The following UTRN variants were observed in gnomAD, a reference collection of about 807,000 sequenced individuals.
The protein encoded by UTRN is dystrophin-related protein 1.
UTRN carries 283 observed loss-of-function variants against 463.9 expected under a neutral mutation model. The observed-to-expected ratio is 0.61, with a 90% confidence interval of 0.55 to 0.67. The LOEUF (loss-of-function observed/expected upper bound fraction) is 0.67. UTRN is among the 30% of genes least tolerant of loss of function. The pLI is 0.00. For missense variants in UTRN, 3,922 were observed against 4,084.3 expected (o/e 0.96, Z 1.08); for synonymous variants, 1,442 against 1,431.5 (o/e 1.01, Z -0.17).
At chr6:144,768,941 G>GTTTTTTTTT (rs1204880630) in intron 58 of UTRN, among the ~76,000 whole-genome samples, 2 of 96,916 alleles carry the variant, frequency 2.1e-5, no homozygotes, top group Non-Finnish European at 3.8e-5. Flanking sequence ...TTGCTACTTT[G>GTTTTTTTTT]TTTTTTGTTT....
At position 144,651,025 on chromosome 6, in the gene UTRN, T is replaced by C. The variant is rs190998150; in HGVS notation, c.7480-27381T>C. 6.9e-4 allele frequency among the ~76,000 whole-genome samples: 105 copies of C among 152,160 alleles called. 1 individual carries two copies. The highest frequency in any genetic ancestry group is 2.4e-3 in the African/African-American group (100 of 41,558). On this transcript the variant is annotated intron_variant, in intron 51 of 74. Transcript: ENST00000367545. ...TAACCAGTGTTAACTCATAACAAGT[T>C]TTCTTTGTGGTAAAAAATGAAGAAA...
chr6:144,686,677 T>A (rs1244715404), intron 52 of UTRN, among the ~76,000 whole-genome samples: 2 of 152,078 alleles, frequency 1.3e-5, no homozygotes, highest in Non-Finnish European at 2.9e-5. Context: ...CTGTTGTTGC[T>A]TTTAAAGTCT....
At chr6:144,543,371 G>A (rs1272151546) in intron 46 of UTRN, among the ~76,000 whole-genome samples, 1 of 152,176 alleles carries the variant, frequency 6.6e-6, no homozygotes, top group African/African-American at 2.4e-5. Context: ...CTTGGATGTG[G>A]AGAAAGAAGA....
At chr6:144,468,365 C>T (rs1198969474) in intron 23 of UTRN, among the ~76,000 whole-genome samples, 3 of 152,044 alleles carry the variant, frequency 2.0e-5, no homozygotes, top group Non-Finnish European at 4.4e-5. Context: ...AGACTTTGAC[C>T]CTTCCATACT....
intron 46 of UTRN, among the ~76,000 whole-genome samples, 195 bp from the exon 47 acceptor site, chr6:144,548,445 G>T (rs999960577): frequency 6.6e-6 from 1 of 151,990 alleles, no homozygotes; most frequent in Non-Finnish European, 1.5e-5. Context: ...CTGTTTTGTT[G>T]GCTTGATAGC....
At chr6:144,626,094 A>G (rs543360451) in intron 51 of UTRN, among the ~76,000 whole-genome samples, 2 of 152,324 alleles carry the variant, frequency 1.3e-5, no homozygotes, top group East Asian at 3.9e-4. Flanking sequence ...GAAAGCAAAT[A>G]TGGACTTGTA....
At chr6:144,538,850 C>A (rs1446497264) in intron 44 of UTRN, among the ~76,000 whole-genome samples, 2 of 152,054 alleles carry the variant, frequency 1.3e-5, no homozygotes, top group African/African-American at 4.8e-5. Flanking sequence ...ATTAAGTTTT[C>A]TTTTTAAAAT....
chr6:144,656,490 C>T (rs925485841), intron 51 of UTRN, among the ~76,000 whole-genome samples: 8 of 152,194 alleles, frequency 5.3e-5, no homozygotes, highest in African/African-American at 1.7e-4. Context: ...CGGCTCACTG[C>T]AGCTTCGACC....
chr6:144,619,572 T>C (rs905282715), intron 51 of UTRN, among the ~76,000 whole-genome samples: 1 of 152,374 alleles, frequency 6.6e-6, no homozygotes, highest in Non-Finnish European at 1.5e-5. Context: ...CAATGGTGAA[T>C]ACATTTTTTA....
At chr6:144,780,386 GAA>G (rs918262538) in intron 60 of UTRN, among the ~76,000 whole-genome samples, 2 of 151,696 alleles carry the variant, frequency 1.3e-5, no homozygotes, top group Non-Finnish European at 2.9e-5. Flanking sequence ...TAAAAAATAA[GAA>G]AAAATAAGAT....
At chr6:144,486,077 A>G (rs773113127) in intron 28 of UTRN, among the ~76,000 whole-genome samples, 1 of 152,204 alleles carries the variant, frequency 6.6e-6, no homozygotes, top group Non-Finnish European at 1.5e-5. Context: ...TGTTAACTTA[A>G]TAACCGTTTC....
chr6:144,833,790 A>G (rs1163241043), intron 69 of UTRN, among the ~76,000 whole-genome samples: 1 of 152,168 alleles, frequency 6.6e-6, no homozygotes, highest in Non-Finnish European at 1.5e-5. Context: ...GTGTTGAGAC[A>G]TTAGTCTTAC....
chr6:144,325,555 G>T (rs1775923418), intron 2 of UTRN, among the ~76,000 whole-genome samples: 2 of 152,148 alleles, frequency 1.3e-5, no homozygotes, highest in Non-Finnish European at 2.9e-5. Context: ...GCATAGAATG[G>T]ACTAAGACAG....
intron 9 of UTRN, among the ~76,000 whole-genome samples, chr6:144,430,785 T>C (rs1172501241): frequency 6.6e-6 from 1 of 152,206 alleles, no homozygotes. Context: ...TCCCATATTA[T>C]GATACTAGTC....
intron 51 of UTRN, among the ~76,000 whole-genome samples, chr6:144,644,280 C>T (rs984312803): frequency 6.6e-6 from 1 of 152,128 alleles, no homozygotes; most frequent in African/African-American, 2.4e-5. Context: ...ATGGCTGATG[C>T]TTACATGTCA....
At chr6:144,469,412 A>G (rs1790280308) in intron 23 of UTRN, among the ~76,000 whole-genome samples, 1 of 152,234 alleles carries the variant, frequency 6.6e-6, no homozygotes, top group Non-Finnish European at 1.5e-5. Context: ...TTTCAGAACA[A>G]CCAGACAAGA....
Position 144,818,112 on chromosome 6 carries a change from AT to A in UTRN, c.9358-2769del, listed in dbSNP as rs1779246023. On this transcript the variant is annotated intron_variant, in intron 65 of 74. Coordinates refer to ENST00000367545, the MANE Select transcript of UTRN (RefSeq NM_007124.3). Reference sequence around the variant, plus strand: ...TCATTTTTTTCACAAGCAAGAGTTCATGTTGGAACTCAAATATAGATAAACT... The same window carrying A: ...TCATTTTTTTCACAAGCAAGAGTTCAGTTGGAACTCAAATATAGATAAACT... Among the ~76,000 whole-genome samples, 11 of 152,332 alleles carry A rather than the reference AT, an allele frequency of 7.2e-5. No individual in the cohort carries two copies. The South Asian group carries it at 2.1e-3, about 29-fold the overall frequency.
At chr6:144,300,654 G>A (rs1192802996) in intron 2 of UTRN, among the ~76,000 whole-genome samples, 1 of 152,160 alleles carries the variant, frequency 6.6e-6, no homozygotes, top group Admixed American at 6.5e-5. Flanking sequence ...AATTTAATGA[G>A]ACCTGCTCCT....
chr6:144,369,666 C>A (rs1242425379), intron 2 of UTRN, among the ~76,000 whole-genome samples: 1 of 152,166 alleles, frequency 6.6e-6, no homozygotes, highest in Non-Finnish European at 1.5e-5. Flanking sequence ...TAGTGGGGAA[C>A]CCTCTGATAT....
Sources: gnomAD v4.1 joint callset for allele counts (sites outside exome capture counted in the v4.1 genomes callset) on GRCh38, gnomAD v4.1.1 for gene constraint, MANE v1.5 for transcripts, NCBI Gene and HGNC (gene_info 2026-07-23, HGNC 2026-07-21) for gene names.